Variants in IRS2 observed in about 807,000 individuals in gnomAD.
The protein encoded by IRS2 is insulin receptor substrate 2.
Under a neutral mutation model 70.9 loss-of-function variants are expected in IRS2, and 28 were observed. The ratio of observed to expected loss-of-function variants is 0.39; its 90% CI spans 0.29 to 0.54. IRS2 has a LOEUF of 0.54. IRS2 is among the 20% of genes least tolerant of loss of function. The pLI is 0.59. For synonymous variants in IRS2, 1,217 were observed against 981.9 expected, an observed-to-expected ratio of 1.24 and a Z score of -4.48; for missense variants, 2,081 against 2,024.1, an observed-to-expected ratio of 1.03 and a Z score of -0.54.
chr13:109,781,351 A>C (rs1218492949), intron 1 of IRS2, among the ~76,000 whole-genome samples: 4 of 152,210 alleles, frequency 2.6e-5, no homozygotes. Context: ...TCCATGTTTC[A>C]GCAAAGCCTC....
In IRS2 at chr13:109,785,971, T is replaced by C; in HGVS notation, c.83A>G (p.Asn28Ser). ...GTAGCCGCACTTGCGCACGCTGTGG[T>C]TGTTGTTGTTGTTGTTGTTGTTGAG... The part of the protein sequence containing the change: ...PNLNNNNNNN[N>S]HSVRKCGYLR... The change falls in exon 1 of 2, where the codon AAC becomes AGC. Residue 28 changes from asparagine to serine, a missense_variant. By Grantham distance (46) the Asn-to-Ser change is conservative. Coordinates refer to ENST00000375856, the MANE Select transcript of IRS2 (RefSeq NM_003749.3). This position sits in a 1 kb window ranked among gnomAD's most constrained non-coding sequence, Gnocchi z 9.3. The C allele has an allele frequency of 1.4e-6, 2 of 1,453,148 alleles. No homozygotes were observed. Among genetic ancestry groups the C allele is most frequent in the Non-Finnish European group, 1.8e-6 (2 of 1,104,892 alleles). 90.0% of individuals were successfully genotyped at this position (1,453,148 alleles called of 1,614,324 possible).
rs761963543 is a variant in IRS2, at chr13:109,756,284, T to A, written c.*20A>T. ...TACTCTCTGACATGTGACATCCTGGTGATAAAGCCAGACAGATCTTCACTC... is the reference window on the plus strand; with the variant it reads ...TACTCTCTGACATGTGACATCCTGGAGATAAAGCCAGACAGATCTTCACTC... On this transcript the variant is annotated 3_prime_UTR_variant, in exon 2 of 2. Transcript: ENST00000375856. The A allele has an allele frequency of 2.5e-6, 4 of 1,602,934 alleles. No homozygotes were observed. In the South Asian group the frequency reaches 4.4e-5, roughly 18 times the overall value.
chr13:109,775,249 G>A (rs1477063228), intron 1 of IRS2, among the ~76,000 whole-genome samples: 1 of 151,430 alleles, frequency 6.6e-6, no homozygotes, highest in East Asian at 2.0e-4. Context: ...CTCCTGAGTA[G>A]CTGGGACTAC....
At chr13:109,761,562 T>A (rs1197937651) in intron 1 of IRS2, among the ~76,000 whole-genome samples, 2 of 149,054 alleles carry the variant, frequency 1.3e-5, no homozygotes, top group African/African-American at 4.9e-5. Flanking sequence ...CTCCAGACTT[T>A]ACTAAAGCAA....
chr13:109,768,635 T>C (rs1216322755), intron 1 of IRS2, among the ~76,000 whole-genome samples: 1 of 152,172 alleles, frequency 6.6e-6, no homozygotes, highest in African/African-American at 2.4e-5. Context: ...TTAACCATAA[T>C]GCACGGGGCA....
Position 109,785,590 on chromosome 13 carries a change from G to A in IRS2, c.464C>T (p.Pro155Leu), listed in dbSNP as rs1415439870. 7 of 1,340,474 alleles carry A rather than the reference G, an allele frequency of 5.2e-6. No homozygotes were observed. The highest frequency in any genetic ancestry group is 5.7e-6 in the Non-Finnish European group (6 of 1,044,198). The allele number at this position is 1,340,474 out of a possible 1,614,324, so 83.0% of individuals were successfully genotyped here. A position where few individuals can be genotyped will look rare whatever the true frequency, so the allele number is the denominator to read the frequency against. ...GCAGGACGCGGCGGGCGCGGCGGCG[G>A]GGGGCGCGTCTCCGGCGGCCGCGCG... ...EGRAAAGDAP[P>L]AAAPAASCSA... is the part of the protein sequence containing the mutation. The change falls in exon 1 of 2, where the codon CCC becomes CTC. Residue 155 changes from proline to leucine, a missense_variant. This residue lies in a region of IRS2 where 320 missense variants were observed against 352.9 expected (regional missense o/e 0.91). Transcript: ENST00000375856. The surrounding 1 kb of genome is among the most constrained non-coding windows in gnomAD (Gnocchi z 9.3).
At position 109,782,959 on chromosome 13, in the gene IRS2, G is replaced by A. The variant is rs1331778529; in HGVS notation, c.3095C>T (p.Pro1032Leu). 1.6e-5 allele frequency: 22 copies of A among 1,410,640 alleles called. 1 individual carries two copies. Among genetic ancestry groups the A allele is most frequent in the Non-Finnish European group, 1.9e-5 (21 of 1,079,982 alleles). The allele number at this position is 1,410,640 out of a possible 1,614,324, so 87.4% of individuals were successfully genotyped here. A position where few individuals can be genotyped will look rare whatever the true frequency, so the allele number is the denominator to read the frequency against. The change falls in exon 1 of 2, where the codon CCG (proline) becomes CTG (leucine). Residue 1032 changes from proline to leucine, a missense_variant. Physicochemically the swap from Pro to Leu is moderately conservative, Grantham distance 98 (BLOSUM62 -3). This residue lies in a region of IRS2 where 1,615 missense variants were observed against 1,459.5 expected (regional missense o/e 1.11). Transcript: ENST00000375856. ...CTCCCCCGGGGCCGGCGGCGGTGGC[G>A]GCGGCTGCAGAGACGACGACGGGGA... ...SASPSSSLQP[P>L]PPPPAPGELY... is the part of the protein sequence containing the mutation.
In IRS2 at chr13:109,783,210, G is replaced by C. The variant is rs1056080; in HGVS notation, c.2844C>G (p.Leu948=). The change falls in exon 1 of 2, where the codon CTC becomes CTG. Residue 948 remains leucine, a synonymous_variant. Transcript: ENST00000375856. ...ACGAGGCCGGGCTGCTGGCGGACAA[G>C]AGCGAGGAGGACGAGGCCGCCGACG... is the stretch of plus-strand genomic sequence containing the variant. ...LLASAASSSS[L]LSASSPASSL... is the part of the protein sequence containing the mutation. The C allele has an allele frequency of 7.0e-6, 10 of 1,426,434 alleles. No homozygotes were observed. The highest frequency in any genetic ancestry group is 9.1e-6 in the Non-Finnish European group (10 of 1,093,980). The allele number at this position is 1,426,434 out of a possible 1,614,324, so 88.4% of individuals were successfully genotyped here. A position where few individuals can be genotyped will look rare whatever the true frequency, so the allele number is the denominator to read the frequency against.
rs1251861648 is a variant in IRS2, at chr13:109,782,187, G to A, written c.3867C>T (p.Ser1289=). 6.2e-7 allele frequency: 1 copy of A among 1,606,194 alleles called. No individual in the cohort carries two copies. Among genetic ancestry groups the A allele is most frequent in the Non-Finnish European group, 8.5e-7 (1 of 1,176,584 alleles). Residue 1289 remains serine (S), a synonymous_variant, in exon 1 of 2, where the codon AGC becomes AGT. Coordinates refer to ENST00000375856, the MANE Select transcript of IRS2 (RefSeq NM_003749.3). ...CCACAGCGCTGATGAGACCCCCGAG[G>A]CTTCGGGTCCGGCCCCAGGAGCTCT... ...GDKSSWGRTR[S]LGGLISAVGV...
chr13:109,785,093 C>T lies in IRS2; in HGVS notation c.961G>A (p.Gly321Ser). ...SSATHPISVP[G>S]ARRHHHLVNL... The stretch of plus-strand genomic sequence containing the variant: ...ACCAGGTGGTGGTGGCGGCGCGCGC[C>T]GGGGACGCTGATGGGGTGCGTGGCC... Residue 321 changes from glycine to serine, a missense_variant, in exon 1 of 2, where the codon GGC (glycine) becomes AGC (serine). By Grantham distance (56) the Gly-to-Ser change is moderately conservative. This residue lies in a region of IRS2 where 111 missense variants were observed against 133.1 expected (regional missense o/e 0.83). Transcript: ENST00000375856. This position sits in a 1 kb window ranked among gnomAD's most constrained non-coding sequence, Gnocchi z 9.3. The T allele has an allele frequency of 6.9e-6, 11 of 1,584,210 alleles. No individual in the cohort carries two copies. The highest frequency in any genetic ancestry group is 8.6e-6 in the Non-Finnish European group (10 of 1,166,354).
chr13:109,780,462 C>T (rs886742374), intron 1 of IRS2, among the ~76,000 whole-genome samples: 5 of 152,218 alleles, frequency 3.3e-5, no homozygotes, highest in African/African-American at 9.6e-5. Context: ...AAGCACCACA[C>T]TCCTGATAAT....
chr13:109,766,412 A>T (rs111619277), intron 1 of IRS2, among the ~76,000 whole-genome samples: 1 of 7,812 alleles, frequency 1.3e-4, no homozygotes, highest in Non-Finnish European at 2.2e-4. Context: ...CCCAGCCTCA[A>T]CCACCCTGAC....
intron 1 of IRS2, among the ~76,000 whole-genome samples, chr13:109,763,797 C>A (rs1172589135): frequency 6.6e-6 from 1 of 152,066 alleles, no homozygotes; most frequent in Non-Finnish European, 1.5e-5. Context: ...AATTATAAAA[C>A]CTAATTATAT....
Position 109,753,833 on chromosome 13 carries a change from T to A in IRS2, c.*2471A>T. On this transcript the variant is annotated 3_prime_UTR_variant, in exon 2 of 2. Coordinates refer to ENST00000375856, the MANE Select transcript of IRS2 (RefSeq NM_003749.3). ...TTCGTACAGAAAAAATCTTCAGGAC[T>A]GTATTCATTTCATAAATAATGTACT... is the stretch of plus-strand genomic sequence containing the variant. 1.4e-5 allele frequency: 3 copies of A among 218,346 alleles called. No individual in the cohort carries two copies. The highest frequency in any genetic ancestry group is 2.8e-5 in the Non-Finnish European group (3 of 108,494). The allele number at this position is 218,346 out of a possible 1,614,324, so 13.5% of individuals were successfully genotyped here. A position where few individuals can be genotyped will look rare whatever the true frequency, so the allele number is the denominator to read the frequency against.
At chr13:109,761,021 T>C in intron 1 of IRS2, among the ~76,000 whole-genome samples, 1 of 152,224 alleles carries the variant, frequency 6.6e-6, no homozygotes, top group East Asian at 1.9e-4. Context: ...TCACCAATCC[T>C]TTTTCTTCAT....
At chr13:109,762,739 G>A (rs532966386) in intron 1 of IRS2, among the ~76,000 whole-genome samples, 19 of 152,142 alleles carry the variant, frequency 1.2e-4, no homozygotes, top group South Asian at 2.1e-4. Context: ...CAGCCTGCTG[G>A]TCAGGTCCTT....
intron 1 of IRS2, among the ~76,000 whole-genome samples, chr13:109,781,707 G>A (rs1299163023): frequency 6.6e-6 from 1 of 152,138 alleles, no homozygotes; most frequent in Non-Finnish European, 1.5e-5. Context: ...CGGGTGCCCC[G>A]CGGCCTCTAG....
rs1386329224 is a variant in IRS2 at position 109,784,947 on chromosome 13, G to A, written c.1107C>T (p.Gly369=). 3 of 1,146,070 alleles carry A rather than the reference G, an allele frequency of 2.6e-6. No individual in the cohort carries two copies. The highest frequency in any genetic ancestry group is 4.8e-5 in the Admixed American group (1 of 20,640). 71.0% of individuals were successfully genotyped at this position (1,146,070 alleles called of 1,614,324 possible). A position where few individuals can be genotyped will look rare whatever the true frequency, so the allele number is the denominator to read the frequency against. ...CRVRTASEGD[G]GAAAGAAAAG... ...CGGCCGCCGCTCCCGCCGCCGCGCCGCCGTCGCCCTCGCTGGCGGTGCGCA... is the reference window on the plus strand; with the variant it reads ...CGGCCGCCGCTCCCGCCGCCGCGCCACCGTCGCCCTCGCTGGCGGTGCGCA... Residue 369 remains glycine (G), a synonymous_variant, in exon 1 of 2, where the codon GGC becomes GGT. Transcript: ENST00000375856. The surrounding 1 kb of genome is among the most constrained non-coding windows in gnomAD (Gnocchi z 5.2).
rs544238771 is a variant in IRS2 at position 109,758,732 on chromosome 13, C to T, written c.4013-2424G>A. Reference sequence around the variant, plus strand: ...GATAAATGGCAAGGAAGTAATTCATCCATGCATTTATTCATGCAATGACCT... The same window carrying T: ...GATAAATGGCAAGGAAGTAATTCATTCATGCATTTATTCATGCAATGACCT... On this transcript the variant is annotated intron_variant, in intron 1 of 1. Transcript: ENST00000375856. Among the ~76,000 whole-genome samples the T allele has an allele frequency of 1.3e-3, 193 of 151,616 alleles. 1 individual carries two copies. Among genetic ancestry groups the T allele is most frequent in the South Asian group, 6.9e-3 (33 of 4,802 alleles).
Sources: gnomAD v4.1 joint callset for allele counts (sites outside exome capture counted in the v4.1 genomes callset) on GRCh38, gnomAD v4.1.1 for gene constraint, gnomAD v4.1.1 regional missense constraint, Gnocchi (gnomAD v3.1) non-coding constraint, MANE v1.5 for transcripts, NCBI Gene and HGNC (gene_info 2026-07-23, HGNC 2026-07-21) for gene names.